Variants in MAD1L1 observed in about 807,000 individuals in gnomAD.
The protein encoded by MAD1L1 is mitotic spindle assembly checkpoint protein MAD1.
MAD1L1 carries 95 observed loss-of-function variants against 96.9 expected under a neutral mutation model. The ratio of observed to expected loss-of-function variants is 0.98; its 90% CI spans 0.83 to 1.16. The LOEUF (loss-of-function observed/expected upper bound fraction) is 1.16. MAD1L1 is among the 50% of genes most tolerant of loss of function. MAD1L1 has a pLI of 0.00. For missense variants in MAD1L1, 1,007 were observed against 954.4 expected, an observed-to-expected ratio of 1.06 and a Z score of -0.73; for synonymous variants, 473 against 396.6, an observed-to-expected ratio of 1.19 and a Z score of -2.29.
chr7:2,052,779 C>T (rs540899793), intron 12 of MAD1L1, among the ~76,000 whole-genome samples: 19 of 152,292 alleles, frequency 1.2e-4, no homozygotes, highest in Admixed American at 6.5e-4. Context: ...ATGGGCATGG[C>T]CCTGGCGCCA....
At chr7:2,128,939 C>T (rs1482136294) in intron 11 of MAD1L1, among the ~76,000 whole-genome samples, 1 of 152,184 alleles carries the variant, frequency 6.6e-6, no homozygotes, top group Non-Finnish European at 1.5e-5. Flanking sequence ...AGGAGAAAAG[C>T]CAGAGGGGGA....
At chr7:1,992,905 C>T (rs753093394) in intron 14 of MAD1L1, among the ~76,000 whole-genome samples, 7 of 152,100 alleles carry the variant, frequency 4.6e-5, no homozygotes, top group Non-Finnish European at 7.3e-5. Flanking sequence ...GGAAGATACA[C>T]GTAGCTGAGA....
At chr7:1,915,299 A>G (rs894943062) in intron 17 of MAD1L1, among the ~76,000 whole-genome samples, 9 of 152,190 alleles carry the variant, frequency 5.9e-5, no homozygotes, top group African/African-American at 2.2e-4. Flanking sequence ...AGAGAACCGC[A>G]GCCGGGAGGG....
chr7:2,121,737 A>G (rs964889896), intron 11 of MAD1L1, among the ~76,000 whole-genome samples: 3 of 151,924 alleles, frequency 2.0e-5, no homozygotes, highest in African/African-American at 4.8e-5. Flanking sequence ...GGGAAAGGTC[A>G]CACCTTTCTA....
intron 18 of MAD1L1, among the ~76,000 whole-genome samples, chr7:1,873,131 C>T (rs1044244002): frequency 6.6e-6 from 1 of 152,208 alleles, no homozygotes; most frequent in African/African-American, 2.4e-5. Flanking sequence ...CTGGTGGGCC[C>T]GGTTCCAATT....
intron 14 of MAD1L1, among the ~76,000 whole-genome samples, chr7:1,992,396 T>G (rs1172150553): frequency 6.6e-6 from 1 of 152,206 alleles, no homozygotes; most frequent in African/African-American, 2.4e-5. Context: ...GGGGAACAGG[T>G]GTCAGAAACC....
intron 18 of MAD1L1, among the ~76,000 whole-genome samples, chr7:1,858,469 C>T (rs1386236229): frequency 2.6e-5 from 4 of 152,238 alleles, no homozygotes; most frequent in African/African-American, 7.2e-5. Context: ...GAGAGGGTGG[C>T]GTCCACGGCG....
intron 18 of MAD1L1, among the ~76,000 whole-genome samples, chr7:1,876,150 A>G (rs1785376576): frequency 6.6e-6 from 1 of 152,162 alleles, no homozygotes; most frequent in African/African-American, 2.4e-5. Context: ...TTGGTGAACT[A>G]GCCCCTTGGC....
intron 12 of MAD1L1, among the ~76,000 whole-genome samples, chr7:2,026,882 T>C (rs1487041924): frequency 2.0e-5 from 3 of 152,042 alleles, no homozygotes; most frequent in Non-Finnish European, 4.4e-5. Context: ...AACATCAAAT[T>C]AGACTCAAAG....
chr7:1,870,606 G>A (rs1355925512), intron 18 of MAD1L1, among the ~76,000 whole-genome samples: 1 of 135,734 alleles, frequency 7.4e-6, no homozygotes, highest in African/African-American at 2.8e-5. Flanking sequence ...CGTAACACCT[G>A]CCACGCTGAA....
At chr7:2,174,845 C>CT (rs1790872144) in intron 10 of MAD1L1, among the ~76,000 whole-genome samples, 1 of 152,218 alleles carries the variant, frequency 6.6e-6, no homozygotes, top group Admixed American at 6.5e-5. Flanking sequence ...TTCCTCTACA[C>CT]TGTTTTTCTG....
At chr7:1,860,145 CCT>C (rs2128646691) in intron 18 of MAD1L1, among the ~76,000 whole-genome samples, 1 of 146,448 alleles carries the variant, frequency 6.8e-6, no homozygotes, top group Non-Finnish European at 1.5e-5. Context: ...GGCGGGGCGG[CCT>C]CTGTCTCCCT....
At chr7:2,019,729 G>A (rs1362591845) in intron 12 of MAD1L1, among the ~76,000 whole-genome samples, 4 of 145,482 alleles carry the variant, frequency 2.7e-5, no homozygotes, top group African/African-American at 1.0e-4. Flanking sequence ...CACCCCCAAC[G>A]CAAGGCCACG....
chr7:1,852,724 T>G (rs1362117563), intron 18 of MAD1L1, among the ~76,000 whole-genome samples: 3 of 151,948 alleles, frequency 2.0e-5, no homozygotes, highest in Non-Finnish European at 4.4e-5. Context: ...TCACCCGGTG[T>G]CGGCACAGGC....
chr7:2,156,685 G>A (rs1421504604), intron 10 of MAD1L1, among the ~76,000 whole-genome samples: 2 of 152,120 alleles, frequency 1.3e-5, no homozygotes, highest in Non-Finnish European at 2.9e-5. Context: ...GCCGGGTGCA[G>A]TGGCAGGTGC....
rs144562957 is a variant in MAD1L1, at chr7:2,217,354, G to A, written c.678+608C>T. Among the ~76,000 whole-genome samples, 623 of 152,330 alleles carry A rather than the reference G, an allele frequency of 4.1e-3. 5 individuals are homozygous for A. Among genetic ancestry groups the A allele is most frequent in the African/African-American group, 0.014 (593 of 41,572 alleles). On this transcript the variant is annotated intron_variant, in intron 7 of 18. Transcript: ENST00000265854. The stretch of plus-strand genomic sequence containing the variant: ...AATCCTGAGAGGTGGACTGAGGGCT[G>A]CGAGGGGCCAGGGACCACCACCAGG...
At chr7:2,222,177 G>A (rs1022410575) in intron 5 of MAD1L1, among the ~76,000 whole-genome samples, 5 of 151,544 alleles carry the variant, frequency 3.3e-5, no homozygotes, top group Admixed American at 6.6e-5. Flanking sequence ...GGGTTCAAGC[G>A]ATTCTCCTGC....
At chr7:1,939,074 C>T (rs1181770922) in intron 16 of MAD1L1, among the ~76,000 whole-genome samples, 3 of 120,986 alleles carry the variant, frequency 2.5e-5, no homozygotes, top group African/African-American at 6.6e-5. Context: ...GGGCCAGAGC[C>T]GGGACCAGAG....
intron 11 of MAD1L1, among the ~76,000 whole-genome samples, chr7:2,111,830 A>AT (rs1346217034): frequency 6.6e-6 from 1 of 152,136 alleles, no homozygotes; most frequent in Non-Finnish European, 1.5e-5. Context: ...CACACACCGG[A>AT]TGCTTCCCGC....
Sources: gnomAD v4.1 joint callset for allele counts (sites outside exome capture counted in the v4.1 genomes callset) on GRCh38, gnomAD v4.1.1 for gene constraint, MANE v1.5 for transcripts, NCBI Gene and HGNC (gene_info 2026-07-23, HGNC 2026-07-21) for gene names.